The following ZBTB10 variants were observed in gnomAD, a reference collection of about 807,000 sequenced individuals.
ZBTB10 encodes zinc finger and BTB domain-containing protein 10.
A neutral mutation model predicts 76.4 loss-of-function variants in ZBTB10; 32 were observed. That is an observed-to-expected ratio of 0.42 (90% CI 0.32 to 0.56). The LOEUF is 0.56. Among genes scored for constraint, ZBTB10 ranks in the 20% least tolerant of loss-of-function variants. The probability of loss-of-function intolerance (pLI) is 0.14; values close to 1 mark genes in which losing one functional copy is unlikely to be tolerated. For missense variants in ZBTB10, 1,057 were observed against 1,098.5 expected (o/e 0.96, Z 0.53); for synonymous variants, 523 against 432.9 (o/e 1.21, Z -2.58).
chr8:80,497,545 T>C (rs546125725), intron 1 of ZBTB10, among the ~76,000 whole-genome samples: 1 of 152,042 alleles, frequency 6.6e-6, no homozygotes, highest in African/African-American at 2.4e-5. Flanking sequence ...TATGGGAAGG[T>C]TGCCAAGGAT....
rs1012294448 is a variant in ZBTB10, at chr8:80,486,535, G to A, written c.-276G>A. ...CTCCGCCGCCCGCCCCCTTCTCCGCGCGGGACGCTGCCCGGAGCGCGGCGG... is the reference window on the plus strand; with the variant it reads ...CTCCGCCGCCCGCCCCCTTCTCCGCACGGGACGCTGCCCGGAGCGCGGCGG... On this transcript the variant is annotated 5_prime_UTR_variant, in exon 1 of 6. Transcript: ENST00000455036. The A allele has an allele frequency of 1.4e-4, 140 of 985,790 alleles. 1 individual carries two copies. Among genetic ancestry groups the A allele is most frequent in the Non-Finnish European group, 1.7e-4 (139 of 830,390 alleles). The allele number at this position is 985,790 out of a possible 1,614,324, so 61.1% of individuals were successfully genotyped here. A position where few individuals can be genotyped will look rare whatever the true frequency, so the allele number is the denominator to read the frequency against.
intron 1 of ZBTB10, among the ~76,000 whole-genome samples, chr8:80,490,260 T>C (rs1815589851): frequency 6.6e-6 from 1 of 152,112 alleles, no homozygotes; most frequent in African/African-American, 2.4e-5. Flanking sequence ...CATTATTACC[T>C]TTTTGTTTTG....
chr8:80,490,721 C>T (rs993329787), intron 1 of ZBTB10, among the ~76,000 whole-genome samples: 1 of 152,138 alleles, frequency 6.6e-6, no homozygotes, highest in African/African-American at 2.4e-5. Flanking sequence ...ATTCTTTAGG[C>T]AAGAAATCAC....
rs773074047 is a variant in ZBTB10, at chr8:80,517,871, C to CTTTTTTTTTTTTTT, written c.1961-520_1961-507dup. ...CATGTTTTTTTCTCCCGCCCGCCACCTTTTTTTTTTTTTTTTTTTTTTTTT... is the reference window on the plus strand; with the variant it reads ...CATGTTTTTTTCTCCCGCCCGCCACCTTTTTTTTTTTTTTTTTTTTTTTTTTTTTTTTTTTTTTT... On this transcript the variant is annotated intron_variant, in intron 3 of 5. Coordinates refer to ENST00000455036, the MANE Select transcript of ZBTB10 (RefSeq NM_001105539.3). Among the ~76,000 whole-genome samples the CTTTTTTTTTTTTTT allele has an allele frequency of 4.9e-4, 38 of 76,840 alleles. 2 individuals are homozygous for CTTTTTTTTTTTTTT. Among genetic ancestry groups the CTTTTTTTTTTTTTT allele is most frequent in the African/African-American group, 1.4e-3 (23 of 16,578 alleles). 50.4% of individuals were successfully genotyped at this position (76,840 alleles called of 152,430 possible). A position where few individuals can be genotyped will look rare whatever the true frequency, so the allele number is the denominator to read the frequency against.
chr8:80,493,532 A>T (rs1010426566), intron 1 of ZBTB10, among the ~76,000 whole-genome samples: 18 of 151,926 alleles, frequency 1.2e-4, no homozygotes, highest in Non-Finnish European at 2.2e-4. Flanking sequence ...AATAACCTGA[A>T]TAGGCCGGGC....
At chr8:80,486,062 C>T, upstream of ZBTB10, 1 of 1,069,918 alleles carries the variant, frequency 9.3e-7, no homozygotes, top group Non-Finnish European at 1.3e-6. Flanking sequence ...CCCCCGCCCC[C>T]AGGCCGGAGG....
intron 1 of ZBTB10, among the ~76,000 whole-genome samples, chr8:80,489,573 C>T (rs1815570856): frequency 6.6e-6 from 1 of 152,140 alleles, no homozygotes; most frequent in African/African-American, 2.4e-5. Context: ...TTTAGTGAAC[C>T]TGAAATCAGA....
Position 80,526,108 on chromosome 8 carries a change from A to G in ZBTB10, c.*6580A>G, listed in dbSNP as rs1816556607. On this transcript the variant is annotated 3_prime_UTR_variant, in exon 6 of 6. Transcript: ENST00000455036. ...AACAGAACACTTAGAATTATTAGCC[A>G]TTTGCTGCAAAGTATTTGTTTTAAA... 1 of 152,064 alleles carries G rather than the reference A, an allele frequency of 6.6e-6. No homozygotes were observed. The highest frequency in any genetic ancestry group is 2.1e-4 in the South Asian group (1 of 4,824). The allele number at this position is 152,064 out of a possible 1,614,324, so 9.4% of individuals were successfully genotyped here.
chr8:80,493,201 G>GCGCGCT (rs1554551222), intron 1 of ZBTB10, among the ~76,000 whole-genome samples: 1 of 110,640 alleles, frequency 9.0e-6, no homozygotes. Flanking sequence ...AAACGCGCGC[G>GCGCGCT]CGCGCGCACA....
intron 3 of ZBTB10, among the ~76,000 whole-genome samples, chr8:80,517,856 T>TC (rs1447058193): frequency 6.8e-6 from 1 of 146,794 alleles, no homozygotes; most frequent in African/African-American, 2.6e-5. Flanking sequence ...CATGTTTTTT[T>TC]CTCCCGCCCG....
chr8:80,489,932 A>C (rs900838441), intron 1 of ZBTB10, among the ~76,000 whole-genome samples: 2 of 152,148 alleles, frequency 1.3e-5, no homozygotes, highest in Non-Finnish European at 2.9e-5. Context: ...TCTTGAGGGG[A>C]TATCTTGTTA....
At position 80,486,617 on chromosome 8, in the gene ZBTB10, C is replaced by T. The variant is rs1446756052; in HGVS notation, c.-194C>T. 47 of 987,572 alleles carry T rather than the reference C, an allele frequency of 4.8e-5. No homozygotes were observed. Among genetic ancestry groups the T allele is most frequent in the South Asian group, 1.4e-4 (3 of 21,464 alleles). The allele number at this position is 987,572 out of a possible 1,614,324, so 61.2% of individuals were successfully genotyped here. ...GGCGTCGGCCCGGCAGCGGCAGCGG[C>T]AGCGGACGCGTGCAGCAGACCCGGG... On this transcript the variant is annotated 5_prime_UTR_variant, in exon 1 of 6. Transcript: ENST00000455036.
Position 80,486,496 on chromosome 8 carries a change from C to G in ZBTB10, c.-315C>G. 3.0e-6 allele frequency: 3 copies of G among 985,494 alleles called. No individual in the cohort carries two copies. Among genetic ancestry groups the G allele is most frequent in the Non-Finnish European group, 3.6e-6 (3 of 830,116 alleles). 61.0% of individuals were successfully genotyped at this position (985,494 alleles called of 1,614,324 possible). A position where few individuals can be genotyped will look rare whatever the true frequency, so the allele number is the denominator to read the frequency against. ...CTTCGAAGGCCTCGCTCGCTGCAGG[C>G]TCGCTCCTCACCTCTCCGCCGCCCG... On this transcript the variant is annotated 5_prime_UTR_variant, in exon 1 of 6. Transcript: ENST00000455036.
rs1435026459 is a variant in ZBTB10, at chr8:80,487,177, C to T, written c.367C>T (p.Leu123=). The change falls in exon 1 of 6, where the codon CTG becomes TTG. Residue 123 remains leucine (L), a synonymous_variant. Transcript: ENST00000455036. The part of the protein sequence containing the change: ...PLLAERNRRT[L]AFRGGGGGGL... ...GCTAGCGGAAAGGAACCGTCGGACT[C>T]TGGCCTTCCGAGGCGGCGGCGGCGG... 4.6e-6 allele frequency: 7 copies of T among 1,534,058 alleles called. No individual in the cohort carries two copies. The highest frequency in any genetic ancestry group is 4.4e-6 in the Non-Finnish European group (5 of 1,142,140).
At position 80,521,120 on chromosome 8, in the gene ZBTB10, A is replaced by T. The variant is rs1350757259; in HGVS notation, c.*1592A>T. The T allele has an allele frequency of 6.6e-6, 1 of 151,896 alleles. No individual in the cohort carries two copies. The highest frequency in any genetic ancestry group is 1.9e-4 in the East Asian group (1 of 5,198). The allele number at this position is 151,896 out of a possible 1,614,324, so 9.4% of individuals were successfully genotyped here. ...TTGAAAAGTTGATGTTTTTTAAGAG[A>T]CAAGCTTTATCATTGTCTCTGATTT... On this transcript the variant is annotated 3_prime_UTR_variant, in exon 6 of 6. Coordinates refer to ENST00000455036, the MANE Select transcript of ZBTB10 (RefSeq NM_001105539.3).
In ZBTB10 at chr8:80,493,207, G is replaced by GCACACACACACA. The variant is rs369440030; in HGVS notation, c.972+5452_972+5463dup. 4.3e-3 allele frequency among the ~76,000 whole-genome samples: 535 copies of GCACACACACACA among 125,272 alleles called. 4 individuals carry two copies. Among genetic ancestry groups the GCACACACACACA allele is most frequent in the Admixed American group, 8.0e-3 (103 of 12,798 alleles). The allele number at this position is 125,272 out of a possible 152,430, so 82.2% of individuals were successfully genotyped here. A position where few individuals can be genotyped will look rare whatever the true frequency, so the allele number is the denominator to read the frequency against. ...TGTGCCTCAAAACGCGCGCGCGCGC[G>GCACACACACACA]CACACACACACACACACACACACAC... On this transcript the variant is annotated intron_variant, in intron 1 of 5. Coordinates refer to ENST00000455036, the MANE Select transcript of ZBTB10 (RefSeq NM_001105539.3).
intron 1 of ZBTB10, among the ~76,000 whole-genome samples, chr8:80,492,779 A>G (rs1815665413): frequency 6.6e-6 from 1 of 152,034 alleles, no homozygotes; most frequent in African/African-American, 2.4e-5. Context: ...CCCGGCCTGA[A>G]GATTCTTAAG....
intron 2 of ZBTB10, among the ~76,000 whole-genome samples, chr8:80,505,083 A>C (rs1311117980): frequency 6.6e-6 from 1 of 152,250 alleles, no homozygotes; most frequent in Non-Finnish European, 1.5e-5. Flanking sequence ...CGTTGCATGC[A>C]TACATACCTT....
At chr8:80,486,039 C>T (rs1023881977), upstream of ZBTB10, among the ~76,000 whole-genome samples, 87 of 142,012 alleles carry the variant, frequency 6.1e-4, no homozygotes, top group African/African-American at 2.2e-3. Context: ...CGACTTCCTT[C>T]CCCGCGGCCG....
Sources: allele counts gnomAD v4.1 joint callset (sites outside exome capture counted in the v4.1 genomes callset), GRCh38; gene constraint gnomAD v4.1.1; transcripts MANE v1.5; gene names NCBI Gene and HGNC (gene_info 2026-07-23, HGNC 2026-07-21).